Variants in EP300 observed in about 807,000 individuals in gnomAD.
EP300 encodes the protein histone acetyltransferase p300.
A neutral mutation model predicts 264.0 loss-of-function variants in EP300; 31 were observed. The observed-to-expected ratio is 0.12, with a 90% CI of 0.09 to 0.16. The LOEUF (loss-of-function observed/expected upper bound fraction) is 0.16, where lower values mean the gene tolerates loss of function less well. Ranked by LOEUF, EP300 falls within the 10% of genes least tolerant of loss-of-function variation. EP300 has a pLI of 1.00. For synonymous variants in EP300, 1,340 were observed against 1,045.4 expected, an observed-to-expected ratio of 1.28 and a Z score of -5.44; for missense variants, 2,766 against 3,052.9, an observed-to-expected ratio of 0.91 and a Z score of 2.21.
At chr22:41,153,229 T>G (rs1486312243) in intron 16 of EP300, among the ~76,000 whole-genome samples, 2 of 152,100 alleles carry the variant, frequency 1.3e-5, no homozygotes, top group Non-Finnish European at 2.9e-5. Flanking sequence ...ATTGACTATT[T>G]TAGGACTAGA....
Position 41,117,293 on chromosome 22 carries a change from T to C in EP300, c.201T>C (p.Ser67=), listed in dbSNP as rs1257354794. ...NGGDINQLQT[S]LGMVQDAASK... is the part of the protein sequence containing the mutation. ...GTGATATTAATCAGCTTCAGACAAG[T>C]CTTGGCATGGTACAAGATGCAGCTT... The change falls in exon 2 of 31, where the codon AGT becomes AGC. Residue 67 remains serine (S), a synonymous_variant. Transcript: ENST00000263253. The C allele has an allele frequency of 3.1e-6, 5 of 1,614,040 alleles. No homozygotes were observed. The African/African-American group carries it at 6.7e-5, about 22-fold the overall frequency.
chr22:41,101,699 C>A (rs997786039), intron 1 of EP300, among the ~76,000 whole-genome samples: 1 of 152,130 alleles, frequency 6.6e-6, no homozygotes, highest in Admixed American at 6.5e-5. Context: ...GGGTAAGCCA[C>A]CGTGCCCAGC....
chr22:41,143,807 G>A (rs181336659), intron 10 of EP300, among the ~76,000 whole-genome samples: 259 of 152,154 alleles, frequency 1.7e-3, no homozygotes, highest in Non-Finnish European at 2.6e-3. Context: ...TCGAACTCCC[G>A]GCCTCAAGTG....
At chr22:41,160,846 A>G in intron 20 of EP300, 124 bp downstream of exon 20, 1 of 824,668 alleles carries the variant, frequency 1.2e-6, no homozygotes, top group Non-Finnish European at 2.0e-6. Flanking sequence ...ACATGTTGCT[A>G]TTTAAATGCA....
rs1435484232 is a variant in EP300, at chr22:41,179,217, C to T, written c.*261C>T. 7 of 499,686 alleles carry T rather than the reference C, an allele frequency of 1.4e-5. No homozygotes were observed. Among genetic ancestry groups the T allele is most frequent in the Non-Finnish European group, 2.1e-5 (6 of 280,534 alleles). 31.0% of individuals were successfully genotyped at this position (499,686 alleles called of 1,614,324 possible). ...CCTTTGTGTGTGTGGTTCAAGTGTG[C>T]ACTGGGAGGAGGCTGAGGCCTGTGA... On this transcript the variant is annotated 3_prime_UTR_variant, in exon 31 of 31. Transcript: ENST00000263253.
At chr22:41,142,624 G>T (rs892670895) in intron 10 of EP300, among the ~76,000 whole-genome samples, 1 of 152,168 alleles carries the variant, frequency 6.6e-6, no homozygotes, top group Non-Finnish European at 1.5e-5. Context: ...GGTGGTTCAT[G>T]CCTGTACTCC....
At chr22:41,170,852 A>G (rs2059166094) in intron 27 of EP300, among the ~76,000 whole-genome samples, 1 of 150,614 alleles carries the variant, frequency 6.6e-6, no homozygotes, top group African/African-American at 2.4e-5. Flanking sequence ...TTTAGTAGAG[A>G]CGGGGTTTCA....
At chr22:41,164,232 C>A (rs2059123131) in intron 22 of EP300, 102 bp downstream of exon 22, 1 of 1,119,670 alleles carries the variant, frequency 8.9e-7, no homozygotes, top group Non-Finnish European at 1.3e-6. Context: ...TTCAAAGTTA[C>A]TATCTTTAAA....
At chr22:41,121,558 G>C (rs1000292624) in intron 2 of EP300, among the ~76,000 whole-genome samples, 1 of 152,156 alleles carries the variant, frequency 6.6e-6, no homozygotes, top group African/African-American at 2.4e-5. Flanking sequence ...ACTGCCAGCT[G>C]ATCAGCAATC....
chr22:41,119,172 ATTATTTTT>A (rs1481288719), intron 2 of EP300, among the ~76,000 whole-genome samples: 8 of 107,272 alleles, frequency 7.5e-5, no homozygotes, highest in African/African-American at 3.0e-4. Flanking sequence ...CTGGCTTATT[ATTATTTTT>A]TTTTTTTTTT....
Position 41,178,926 on chromosome 22 carries a change from C to T in EP300, c.7215C>T (p.Asn2405=), listed in dbSNP as rs755008398. ...CCGATAACTCAGACTTGAATTCAAA[C>T]CTCTCACAGAGTACACTAGACATAC... ...LSTDNSDLNS[N]LSQSTLDIH Residue 2405 remains asparagine (N), a synonymous_variant, in exon 31 of 31, where the codon AAC becomes AAT. Transcript: ENST00000263253. The T allele has an allele frequency of 5.0e-6, 8 of 1,614,062 alleles. No individual in the cohort carries two copies. The highest frequency in any genetic ancestry group is 1.7e-5 in the Admixed American group (1 of 59,996).
intron 7 of EP300, among the ~76,000 whole-genome samples, chr22:41,136,621 A>G (rs2058952558): frequency 6.6e-6 from 1 of 152,018 alleles, no homozygotes; most frequent in South Asian, 2.1e-4. Context: ...TGATTACACC[A>G]CTGCACCCTA....
intron 21 of EP300, among the ~76,000 whole-genome samples, 183 bp downstream of exon 21, chr22:41,162,962 GTTAATT>G (rs2059115783): frequency 6.6e-6 from 1 of 152,142 alleles, no homozygotes; most frequent in African/African-American, 2.4e-5. Context: ...ATTTCTTAAT[GTTAATT>G]TTAATGTTCT....
At chr22:41,097,896 A>T (rs1467650747) in intron 1 of EP300, among the ~76,000 whole-genome samples, 1 of 151,634 alleles carries the variant, frequency 6.6e-6, no homozygotes, top group Non-Finnish European at 1.5e-5. Flanking sequence ...GGGTTTCACC[A>T]TGTTGGCCAT....
At position 41,177,696 on chromosome 22, in the gene EP300, G is replaced by C. The variant is rs768897698; in HGVS notation, c.5985G>C (p.Trp1995Cys). 1.9e-6 allele frequency: 3 copies of C among 1,613,618 alleles called. No individual in the cohort carries two copies. The Admixed American group carries it at 5.0e-5, about 27-fold the overall frequency. The change falls in exon 31 of 31, where the codon TGG becomes TGC. Residue 1995 changes from tryptophan to cysteine, a missense_variant. Coordinates refer to ENST00000263253, the MANE Select transcript of EP300 (RefSeq NM_001429.4). The stretch of plus-strand genomic sequence containing the variant: ...CAGGGATGCAGCAACAGCCACCCTG[G>C]AGCCAAGGAGGATTGCCTCAGCCCC... ...GPTGMQQQPP[W>C]SQGGLPQPQQ...
intron 9 of EP300, among the ~76,000 whole-genome samples, chr22:41,140,817 G>A (rs1461890840): frequency 6.6e-6 from 1 of 152,126 alleles, no homozygotes; most frequent in African/African-American, 2.4e-5. Flanking sequence ...GTGCTGAGCT[G>A]TTACCAGCTG....
At position 41,094,996 on chromosome 22, in the gene EP300, ACT is replaced by A. The variant is rs1030977127; in HGVS notation, c.94+1900_94+1901del. Among the ~76,000 whole-genome samples, 9 of 152,140 alleles carry A rather than the reference ACT, an allele frequency of 5.9e-5. No homozygotes were observed. In the South Asian group the frequency reaches 1.7e-3, roughly 28 times the overall value. Reference sequence around the variant, plus strand: ...GTGGGCTTTTATAGTTTAAAAAAAAACTCAACATTGAGATTAATTCATTCACT... The same window carrying A: ...GTGGGCTTTTATAGTTTAAAAAAAAACAACATTGAGATTAATTCATTCACT... On this transcript the variant is annotated intron_variant, in intron 1 of 30. Coordinates refer to ENST00000263253, the MANE Select transcript of EP300 (RefSeq NM_001429.4).
rs899324208 is a variant in EP300 at position 41,179,043 on chromosome 22, G to A, written c.*87G>A. 3.5e-5 allele frequency: 53 copies of A among 1,519,520 alleles called. No homozygotes were observed. Among genetic ancestry groups the A allele is most frequent in the African/African-American group, 8.2e-5 (6 of 72,756 alleles). The allele number at this position is 1,519,520 out of a possible 1,614,324, so 94.1% of individuals were successfully genotyped here. ...TGAAAACAATTTTTTTGAATCTTTC[G>A]TAGCCTAAAAGACAATTTTCCTTGG... On this transcript the variant is annotated 3_prime_UTR_variant, in exon 31 of 31. Coordinates refer to ENST00000263253, the MANE Select transcript of EP300 (RefSeq NM_001429.4).
chr22:41,141,171 T>C lies in EP300; in HGVS notation c.2002T>C (p.Ser668Pro). ...LPNAAGMVPVSMNPGPNMGQP... is the reference protein window; with the variant it reads ...LPNAAGMVPVPMNPGPNMGQP... ...AAATGCTGCAGGCATGGTTCCAGTT[T>C]CCATGAATCCAGGGCCTAACATGGG... is the stretch of plus-strand genomic sequence containing the variant. The change falls in exon 10 of 31, where the codon TCC becomes CCC. Residue 668 changes from serine to proline, a missense_variant. Ser to Pro is a moderately conservative substitution (Grantham distance 74). Coordinates refer to ENST00000263253, the MANE Select transcript of EP300 (RefSeq NM_001429.4). The C allele has an allele frequency of 6.2e-7, 1 of 1,614,162 alleles. No individual in the cohort carries two copies. The highest frequency in any genetic ancestry group is 8.5e-7 in the Non-Finnish European group (1 of 1,180,022).
Sources: allele counts gnomAD v4.1 joint callset (sites outside exome capture counted in the v4.1 genomes callset), GRCh38; gene constraint gnomAD v4.1.1; transcripts MANE v1.5; gene names NCBI Gene and HGNC (gene_info 2026-07-23, HGNC 2026-07-21).